Variants in ATP13A4 observed in about 807,000 individuals in gnomAD.
The protein encoded by ATP13A4 is probable cation-transporting ATPase 13A4.
A neutral mutation model predicts 142.5 loss-of-function variants in ATP13A4; 114 were observed. That is an observed-to-expected ratio of 0.80 (90% CI 0.69 to 0.93). The LOEUF is 0.93. Ranked by LOEUF, ATP13A4 falls within the 40% of genes least tolerant of loss-of-function variation. The probability of loss-of-function intolerance (pLI) is 0.00; values close to 1 mark genes in which losing one functional copy is unlikely to be tolerated. For synonymous variants in ATP13A4, 488 were observed against 514.8 expected (o/e 0.95, Z 0.70); for missense variants, 1,392 against 1,454.0 (o/e 0.96, Z 0.69).
At chr3:193,553,243 C>T (rs1723689095) in intron 1 of ATP13A4, 1 of 152,188 alleles carries the variant, frequency 6.6e-6, no homozygotes, top group Non-Finnish European at 1.5e-5. Context: ...TGAAGATGAA[C>T]TGTTAACTAA....
intron 10 of ATP13A4, among the ~76,000 whole-genome samples, chr3:193,467,040 G>A (rs1223952381): frequency 6.6e-6 from 1 of 151,990 alleles, no homozygotes; most frequent in African/African-American, 2.4e-5. Flanking sequence ...AACTTAAAAT[G>A]CATAATTGGA....
intron 9 of ATP13A4, among the ~76,000 whole-genome samples, chr3:193,470,380 A>G (rs1406285691): frequency 1.3e-5 from 2 of 152,188 alleles, no homozygotes; most frequent in African/African-American, 4.8e-5. Context: ...GCTTTACCAA[A>G]TGCTGCATCA....
At chr3:193,558,342 T>C (rs1345700006), upstream of ATP13A4, among the ~76,000 whole-genome samples, 1 of 152,252 alleles carries the variant, frequency 6.6e-6, no homozygotes, top group Non-Finnish European at 1.5e-5. Context: ...CGGGTTGTGA[T>C]GTGGCGTAGT....
intron 1 of ATP13A4, among the ~76,000 whole-genome samples, chr3:193,547,274 T>C (rs955273553): frequency 1.3e-5 from 2 of 152,238 alleles, no homozygotes; most frequent in African/African-American, 4.8e-5. Flanking sequence ...CTTTGCTCAC[T>C]CAATGATGTA....
Position 193,504,020 on chromosome 3 carries a change from T to TGTGTGTGTGTGTGTGTGTGTGA in ATP13A4, c.235-1382_235-1381insTCACACACACACACACACACAC, listed in dbSNP as rs1034644341. Among the ~76,000 whole-genome samples, 958 of 144,204 alleles carry TGTGTGTGTGTGTGTGTGTGTGA rather than the reference T, an allele frequency of 6.6e-3. 8 individuals are homozygous for TGTGTGTGTGTGTGTGTGTGTGA. Among genetic ancestry groups the TGTGTGTGTGTGTGTGTGTGTGA allele is most frequent in the Non-Finnish European group, 8.2e-3 (543 of 65,968 alleles). The allele number at this position is 144,204 out of a possible 152,430, so 94.6% of individuals were successfully genotyped here. A position where few individuals can be genotyped will look rare whatever the true frequency, so the allele number is the denominator to read the frequency against. On this transcript the variant is annotated intron_variant, in intron 2 of 29. Transcript: ENST00000342695. ...ATGTGTGTGTGTGTGTGTGTGTGTG[T>TGTGTGTGTGTGTGTGTGTGTGA]GAGAGAGAGAGAGAGAGAGAGAAAG...
chr3:193,571,494 A>G (rs926512446), intron 2 of ATP13A4, among the ~76,000 whole-genome samples: 4 of 152,144 alleles, frequency 2.6e-5, no homozygotes, highest in Non-Finnish European at 5.9e-5. Context: ...GTGAGGAGGA[A>G]GTAACTTTAC....
intron 14 of ATP13A4, 124 bp from the exon 15 acceptor site, chr3:193,457,589 C>T (rs2108636418): frequency 1.1e-6 from 1 of 878,726 alleles, no homozygotes; most frequent in Non-Finnish European, 1.9e-6. Context: ...GTGTCTCTTC[C>T]CTCAGAGGTG....
In ATP13A4 at chr3:193,517,130, T is replaced by C. The variant is rs1721460687; in HGVS notation, c.61-2259A>G. 2.6e-5 allele frequency among the ~76,000 whole-genome samples: 4 copies of C among 152,222 alleles called. 1 individual carries two copies. The South Asian group carries it at 6.2e-4, about 24-fold the overall frequency. On this transcript the variant is annotated intron_variant, in intron 1 of 29. Coordinates refer to ENST00000342695, the MANE Select transcript of ATP13A4 (RefSeq NM_032279.4). ...CTAGACCTCTGCAGCACATGGAAGA[T>C]GATGTGGGCTGGCCATTTCTACTCC...
At chr3:193,579,939 C>T (rs1724497616) in intron 2 of ATP13A4, among the ~76,000 whole-genome samples, 1 of 152,176 alleles carries the variant, frequency 6.6e-6, no homozygotes, top group African/African-American at 2.4e-5. Flanking sequence ...TACAGAAGGA[C>T]ATGCCTAAAA....
chr3:193,445,261 C>A (rs1346533728), intron 18 of ATP13A4, among the ~76,000 whole-genome samples: 1 of 151,840 alleles, frequency 6.6e-6, no homozygotes, highest in East Asian at 1.9e-4. Context: ...CATGGTGAAA[C>A]CCTGTCTCTA....
At chr3:193,546,649 T>C (rs1723243594) in intron 1 of ATP13A4, among the ~76,000 whole-genome samples, 1 of 152,200 alleles carries the variant, frequency 6.6e-6, no homozygotes, top group Non-Finnish European at 1.5e-5. Flanking sequence ...CCTCCTGATG[T>C]TGTGTTTCTT....
intron 1 of ATP13A4, chr3:193,553,283 A>T (rs1272827860): frequency 1.3e-5 from 2 of 152,220 alleles, no homozygotes; most frequent in East Asian, 3.8e-4. Context: ...TATGCTAGGG[A>T]AGAGGTAACA....
chr3:193,502,782 G>C (rs1720626572), intron 2 of ATP13A4, 143 bp from the exon 3 acceptor site: 8 of 906,898 alleles, frequency 8.8e-6, no homozygotes, highest in Non-Finnish European at 1.4e-5. Context: ...GTCTCTGAAA[G>C]ATGATGGATC....
At chr3:193,448,619 A>G (rs1008996742) in intron 17 of ATP13A4, among the ~76,000 whole-genome samples, 6 of 152,216 alleles carry the variant, frequency 3.9e-5, no homozygotes, top group Non-Finnish European at 8.8e-5. Flanking sequence ...TACAGGCGTG[A>G]GCCACTGCAC....
chr3:193,439,264 G>C (rs1716481115), intron 21 of ATP13A4, among the ~76,000 whole-genome samples, 199 bp from the exon 22 acceptor site: 1 of 152,122 alleles, frequency 6.6e-6, no homozygotes, highest in Non-Finnish European at 1.5e-5. Flanking sequence ...CGTGATTCCT[G>C]ACTGTAAGTG....
chr3:193,500,164 A>G (rs1009762591), intron 3 of ATP13A4, among the ~76,000 whole-genome samples: 2 of 152,216 alleles, frequency 1.3e-5, no homozygotes. Flanking sequence ...TCAGACCAGG[A>G]AACAGCAATT....
At chr3:193,557,403 A>G (rs1210916211), upstream of ATP13A4, among the ~76,000 whole-genome samples, 1 of 152,216 alleles carries the variant, frequency 6.6e-6, no homozygotes, top group Non-Finnish European at 1.5e-5. Context: ...GTCTACAAAC[A>G]TAACCATAAC....
chr3:193,584,531 T>C (rs1724631977), intron 1 of ATP13A4, among the ~76,000 whole-genome samples: 1 of 152,130 alleles, frequency 6.6e-6, no homozygotes, highest in South Asian at 2.1e-4. Flanking sequence ...CACACAAGGC[T>C]CTTTGCCTGT....
intron 29 of ATP13A4, among the ~76,000 whole-genome samples, chr3:193,403,406 A>G (rs1714344541): frequency 6.6e-6 from 1 of 152,160 alleles, no homozygotes. Context: ...ATTATGGGCA[A>G]ATTAGTTACT....
Sources: allele counts gnomAD v4.1 joint callset (sites outside exome capture counted in the v4.1 genomes callset), GRCh38; gene constraint gnomAD v4.1.1; transcripts MANE v1.5; gene names NCBI Gene and HGNC (gene_info 2026-07-23, HGNC 2026-07-21).